The following JAK2 variants were observed in gnomAD, a reference collection of about 807,000 sequenced individuals.
JAK2 encodes the protein tyrosine-protein kinase JAK2.
In JAK2, 86 loss-of-function variants were observed where a neutral mutation model predicts 139.3. The observed-to-expected ratio is 0.62, with a 90% confidence interval of 0.52 to 0.74. JAK2 has a LOEUF of 0.74. Ranked by LOEUF, JAK2 falls within the 30% of genes least tolerant of loss-of-function variation. The pLI, the probability that JAK2 is intolerant of heterozygous loss-of-function variation, is 0.00. For missense variants in JAK2, 1,421 were observed against 1,360.3 expected (o/e 1.04, Z -0.70); for synonymous variants, 490 against 437.7 (o/e 1.12, Z -1.49).
chr9:5,001,888 T>G (rs1820948281), intron 2 of JAK2, among the ~76,000 whole-genome samples: 1 of 152,052 alleles, frequency 6.6e-6, no homozygotes, highest in African/African-American at 2.4e-5. Flanking sequence ...TGTTTCTTCC[T>G]ATGTCAGTTT....
chr9:5,068,852 A>G (rs1818747999), intron 10 of JAK2, among the ~76,000 whole-genome samples, 170 bp from the exon 11 acceptor site: 1 of 152,186 alleles, frequency 6.6e-6, no homozygotes, highest in Non-Finnish European at 1.5e-5. Flanking sequence ...GAAATTGTAA[A>G]TTGCCCTTTT....
At chr9:4,998,924 C>G (rs1339317952) in intron 2 of JAK2, among the ~76,000 whole-genome samples, 1 of 151,956 alleles carries the variant, frequency 6.6e-6, no homozygotes, top group Non-Finnish European at 1.5e-5. Context: ...CGGGTTCACG[C>G]CATTCTCCTG....
chr9:5,101,404 C>A (rs1040947146), intron 22 of JAK2, among the ~76,000 whole-genome samples: 1 of 152,254 alleles, frequency 6.6e-6, no homozygotes, highest in Non-Finnish European at 1.5e-5. Context: ...TGGAGCCCAC[C>A]ACAGCTCTGC....
intron 22 of JAK2, 21 bp downstream of exon 22, chr9:5,090,932 T>C: frequency 6.6e-7 from 1 of 1,506,838 alleles, no homozygotes; most frequent in Non-Finnish European, 9.0e-7. Context: ...TTCAGTATGA[T>C]AAATGAAATT....
At chr9:5,004,686 T>A (rs1317733172) in intron 2 of JAK2, among the ~76,000 whole-genome samples, 1 of 152,166 alleles carries the variant, frequency 6.6e-6, no homozygotes, top group African/African-American at 2.4e-5. Flanking sequence ...CCATTTTAAT[T>A]TTTTGAGGAA....
At position 5,129,293 on chromosome 9, in the gene JAK2, C is replaced by T. The variant is rs1450187576; in HGVS notation, c.*2502C>T. ...TAGTGATGTAGTAAATATTCAGAAGCGATTTTCTTTTGCATTTTTACCTAA... is the reference window on the plus strand; with the variant it reads ...TAGTGATGTAGTAAATATTCAGAAGTGATTTTCTTTTGCATTTTTACCTAA... On this transcript the variant is annotated 3_prime_UTR_variant, in exon 25 of 25. Transcript: ENST00000381652. 1.3e-5 allele frequency among the ~76,000 whole-genome samples: 2 copies of T among 151,952 alleles called. No individual in the cohort carries two copies. Among genetic ancestry groups the T allele is most frequent in the Non-Finnish European group, 2.9e-5 (2 of 67,930 alleles).
chr9:5,106,275 C>T (rs1371358332), intron 22 of JAK2, among the ~76,000 whole-genome samples: 2 of 152,198 alleles, frequency 1.3e-5, no homozygotes, highest in East Asian at 1.9e-4. Flanking sequence ...GGCATTTATG[C>T]AGCCAACAGA....
intron 3 of JAK2, among the ~76,000 whole-genome samples, chr9:5,023,393 TG>T (rs1345345941): frequency 6.6e-6 from 1 of 152,172 alleles, no homozygotes; most frequent in Non-Finnish European, 1.5e-5. Flanking sequence ...TGTTGTGAGC[TG>T]GGCTTCAAAA....
At chr9:5,057,850 G>C (rs921227023) in intron 8 of JAK2, among the ~76,000 whole-genome samples, 12 of 151,876 alleles carry the variant, frequency 7.9e-5, no homozygotes, top group Admixed American at 5.2e-4. Context: ...CAAAGTGCTG[G>C]GATTACAGGT....
intron 4 of JAK2, among the ~76,000 whole-genome samples, chr9:5,036,559 C>T (rs1823617494): frequency 6.6e-6 from 1 of 151,364 alleles, no homozygotes; most frequent in Non-Finnish European, 1.5e-5. Flanking sequence ...ATAATGCTAC[C>T]TATCTACAAC....
rs774955614 is a variant in JAK2 at position 5,129,712 on chromosome 9, T to C, written c.*2921T>C. On this transcript the variant is annotated 3_prime_UTR_variant, in exon 25 of 25. Coordinates refer to ENST00000381652, the MANE Select transcript of JAK2 (RefSeq NM_004972.4). ...TAGTTGGTTGGATTTAATATCAAGA[T>C]AACTAGCTGCTAAGCGTTTCATAAT... is the stretch of plus-strand genomic sequence containing the variant. Among the ~76,000 whole-genome samples, 1 of 152,150 alleles carries C rather than the reference T, an allele frequency of 6.6e-6. No individual in the cohort carries two copies. Among genetic ancestry groups the C allele is most frequent in the African/African-American group, 2.4e-5 (1 of 41,462 alleles).
rs1011188758 is a variant in JAK2, at chr9:5,128,820, G to T, written c.*2029G>T. Reference sequence around the variant, plus strand: ...TAAGTTGGTTCTGTACAAGAAACAGGTAAGTAATTATTGTACCAGTTAATG... The same window carrying T: ...TAAGTTGGTTCTGTACAAGAAACAGTTAAGTAATTATTGTACCAGTTAATG... On this transcript the variant is annotated 3_prime_UTR_variant, in exon 25 of 25. Transcript: ENST00000381652. Among the ~76,000 whole-genome samples the T allele has an allele frequency of 1.3e-5, 2 of 151,954 alleles. No homozygotes were observed. The highest frequency in any genetic ancestry group is 2.9e-5 in the Non-Finnish European group (2 of 67,860).
chr9:5,051,157 T>TA (rs905414334), intron 6 of JAK2, among the ~76,000 whole-genome samples: 2 of 152,138 alleles, frequency 1.3e-5, no homozygotes, highest in African/African-American at 4.8e-5. Context: ...CAACCTATAA[T>TA]AAAAAATCAT....
At chr9:5,117,659 T>C (rs1250924744) in intron 22 of JAK2, among the ~76,000 whole-genome samples, 2 of 143,116 alleles carry the variant, frequency 1.4e-5, no homozygotes, top group African/African-American at 5.3e-5. Flanking sequence ...GTAATGGTTT[T>C]ATCTTAAATA....
chr9:5,037,934 T>C (rs1319867479), intron 4 of JAK2, among the ~76,000 whole-genome samples: 1 of 152,240 alleles, frequency 6.6e-6, no homozygotes, highest in African/African-American at 2.4e-5. Flanking sequence ...CTTGTAAGTA[T>C]GAAATTTAAA....
At chr9:5,101,691 G>C (rs1476770356) in intron 22 of JAK2, among the ~76,000 whole-genome samples, 1 of 152,198 alleles carries the variant, frequency 6.6e-6, no homozygotes, top group African/African-American at 2.4e-5. Flanking sequence ...GAAGGATCAG[G>C]CAGCAACATT....
At chr9:5,073,494 A>C (rs1028477446) in intron 13 of JAK2, among the ~76,000 whole-genome samples, 1 of 152,118 alleles carries the variant, frequency 6.6e-6, no homozygotes, top group Non-Finnish European at 1.5e-5. Context: ...TTTGATCTCC[A>C]TATTCCAGGC....
rs537704888 is a variant in JAK2, at chr9:5,040,074, G to A, written c.351-4329G>A. Among the ~76,000 whole-genome samples, 2 of 152,312 alleles carry A rather than the reference G, an allele frequency of 1.3e-5. 1 individual carries two copies. The highest frequency in any genetic ancestry group is 4.1e-4 in the South Asian group (2 of 4,828). Reference sequence around the variant, plus strand: ...TTACAAAATTTATTACAAAAGGACTGTAATCAAGACAATGTGATACTAAAG... The same window carrying A: ...TTACAAAATTTATTACAAAAGGACTATAATCAAGACAATGTGATACTAAAG... On this transcript the variant is annotated intron_variant, in intron 4 of 24. Transcript: ENST00000381652.
At chr9:5,088,522 G>C (rs980213277) in intron 19 of JAK2, among the ~76,000 whole-genome samples, 2 of 140,060 alleles carry the variant, frequency 1.4e-5, no homozygotes, top group African/African-American at 5.3e-5. Context: ...AAAAAGAGTG[G>C]ATTTCTTTAA....
Sources: allele counts gnomAD v4.1 joint callset (sites outside exome capture counted in the v4.1 genomes callset), GRCh38; gene constraint gnomAD v4.1.1; transcripts MANE v1.5; gene names NCBI Gene and HGNC (gene_info 2026-07-23, HGNC 2026-07-21).